Variants in WRAP53 observed in about 807,000 individuals in gnomAD.
WRAP53 encodes the protein telomerase Cajal body protein 1.
Under a neutral mutation model 56.6 loss-of-function variants are expected in WRAP53, and 28 were observed. The observed-to-expected ratio is 0.50, with a 90% CI of 0.37 to 0.68. WRAP53 has a LOEUF of 0.68. Ranked by LOEUF, WRAP53 falls within the 30% of genes least tolerant of loss-of-function variation. The pLI is 0.00. For missense variants in WRAP53, 671 were observed against 715.5 expected, an observed-to-expected ratio of 0.94 and a Z score of 0.71; for synonymous variants, 283 against 283.4, an observed-to-expected ratio of 1.00 and a Z score of 0.01.
intron 4 of WRAP53, among the ~76,000 whole-genome samples, chr17:7,694,247 T>TC (rs2093471185): frequency 1.4e-5 from 2 of 144,492 alleles, no homozygotes; most frequent in Admixed American, 1.4e-4. Context: ...TCTTTCTTTT[T>TC]TTTTTTTTTT....
chr17:7,702,399 G>C lies in WRAP53; in HGVS notation c.1011G>C (p.Gln337His). The change falls in exon 8 of 11, where the codon CAG becomes CAC. Residue 337 changes from glutamine to histidine, a missense_variant. Gln to His is a conservative substitution (Grantham distance 24). Transcript: ENST00000396463. The surrounding 1 kb of genome is among the most constrained non-coding windows in gnomAD (Gnocchi z 5.0). ...IISCIAFSPA[Q>H]PLYACGSYGR... ...CCTGCATAGCCTTCAGCCCAGCCCA[G>C]CCCCTCTATGCCTGTGGCTCCTACG... is the stretch of plus-strand genomic sequence containing the variant. 6.2e-7 allele frequency: 1 copy of C among 1,614,162 alleles called. No individual in the cohort carries two copies. Among genetic ancestry groups the C allele is most frequent in the Non-Finnish European group, 8.5e-7 (1 of 1,180,028 alleles).
rs865931339 is a variant in WRAP53 at position 7,702,804 on chromosome 17, G to T, written c.1226G>T (p.Arg409Leu). 3.1e-6 allele frequency: 5 copies of T among 1,613,860 alleles called. No individual in the cohort carries two copies. In the African/African-American group the frequency reaches 5.3e-5, roughly 17 times the overall value. Residue 409 changes from arginine to leucine, a missense_variant, in exon 9 of 11, where the codon CGA (arginine) becomes CTA (leucine). This residue lies in a region of WRAP53 where 158 missense variants were observed against 215.7 expected (regional missense o/e 0.73). Transcript: ENST00000396463. The surrounding 1 kb of genome is among the most constrained non-coding windows in gnomAD (Gnocchi z 5.0). ...GGTTACCCACTGTGGTCCCTGGGTC[G>T]AGAGGTGACCACCAATCAGCGCATC... ...QSGYPLWSLG[R>L]EVTTNQRIYF...
chr17:7,701,538 T>C lies in WRAP53; in HGVS notation c.811T>C (p.Tyr271His). The C allele has an allele frequency of 6.2e-7, 1 of 1,614,220 alleles. No homozygotes were observed. The highest frequency in any genetic ancestry group is 8.5e-7 in the Non-Finnish European group (1 of 1,180,036). The change falls in exon 6 of 11, where the codon TAC becomes CAC. Residue 271 changes from tyrosine (Y) to histidine (H), a missense_variant. Transcript: ENST00000396463. This position sits in a 1 kb window ranked among gnomAD's most constrained non-coding sequence, Gnocchi z 4.2. ...TGELRASFRAYNHLDELTAAH... is the reference protein window; with the variant it reads ...TGELRASFRAHNHLDELTAAH... ...AGAGCTCCGGGCTTCCTTTCGCGCCTACAACCACCTGGTAGGGACCGCCAT... is the reference window on the plus strand; with the variant it reads ...AGAGCTCCGGGCTTCCTTTCGCGCCCACAACCACCTGGTAGGGACCGCCAT...
Position 7,702,344 on chromosome 17 carries a change from C to CA in WRAP53, c.962dup (p.Gln322AlafsTer35). 1.2e-6 allele frequency: 2 copies of CA among 1,614,050 alleles called. No homozygotes were observed. Among genetic ancestry groups the CA allele is most frequent in the South Asian group, 2.2e-5 (2 of 91,082 alleles). On this transcript the variant is annotated frameshift_variant and splice_region_variant, in exon 8 of 11. Transcript: ENST00000396463. LOFTEE classifies it high-confidence loss of function. This position sits in a 1 kb window ranked among gnomAD's most constrained non-coding sequence, Gnocchi z 5.0. ...CCCACTTTGTTCCTTCCCTCTCTAGCAAAAAAGCAGGGCCAGAGCGGCATC... is the reference window on the plus strand; with the variant it reads ...CCCACTTTGTTCCTTCCCTCTCTAGCAAAAAAAGCAGGGCCAGAGCGGCATC...
At chr17:7,686,115 G>C (rs986590431), upstream of WRAP53, 1 of 152,230 alleles carries the variant, frequency 6.6e-6, no homozygotes, top group African/African-American at 2.4e-5. Context: ...GGCTCGGGCC[G>C]GAGGGCTGCA....
chr17:7,698,440 G>A (rs1252611948), intron 4 of WRAP53, among the ~76,000 whole-genome samples: 3 of 152,134 alleles, frequency 2.0e-5, no homozygotes, highest in Non-Finnish European at 4.4e-5. Context: ...TACCATTACT[G>A]TTAAGTCTAG....
chr17:7,687,728 A>G (rs2074033256), upstream of WRAP53: 1 of 397,742 alleles, frequency 2.5e-6, no homozygotes, highest in South Asian at 1.4e-4. Context: ...TCTGCAAGCC[A>G]GAGCTGTGAG....
At chr17:7,694,818 ACT>A (rs2074160423) in intron 4 of WRAP53, among the ~76,000 whole-genome samples, 1 of 146,996 alleles carries the variant, frequency 6.8e-6, no homozygotes, top group Non-Finnish European at 1.5e-5. Context: ...ACAGAGTGAG[ACT>A]CTGTCTCAAA....
At chr17:7,699,440 TTA>T (rs1219472741) in intron 4 of WRAP53, among the ~76,000 whole-genome samples, 50 of 72,582 alleles carry the variant, frequency 6.9e-4, no homozygotes, top group African/African-American at 1.5e-3. Context: ...AAAAAAAAAT[TTA>T]TATATATATA....
chr17:7,689,094 C>G lies in WRAP53; in HGVS notation c.431+15C>G, dbSNP rs17880740. 2 of 1,614,076 alleles carry G rather than the reference C, an allele frequency of 1.2e-6. No individual in the cohort carries two copies. The highest frequency in any genetic ancestry group is 1.3e-5 in the African/African-American group (1 of 75,020). On this transcript the variant is annotated intron_variant, in intron 2 of 10. Transcript: ENST00000396463. ...GAGGGAGACACGTAAGTGGTGATGG[C>G]AGTGGAGTGTGGAGTCTGGGGAGAT...
At chr17:7,696,775 C>T (rs1410355883) in intron 4 of WRAP53, among the ~76,000 whole-genome samples, 1 of 152,056 alleles carries the variant, frequency 6.6e-6, no homozygotes, top group Non-Finnish European at 1.5e-5. Flanking sequence ...GCTCAGATTT[C>T]AGGATTGAGC....
rs117192546 is a variant in WRAP53 at position 7,701,647 on chromosome 17, C to T, written c.823-10C>T. ...TGCAAGACCTGTTTTCAGCCCTTTC[C>T]TTCCCCCAGGATGAGCTGACGGCAG... is the stretch of plus-strand genomic sequence containing the variant. On this transcript the variant is annotated splice_polypyrimidine_tract_variant and intron_variant, in intron 6 of 10. Coordinates refer to ENST00000396463, the MANE Select transcript of WRAP53 (RefSeq NM_001143992.2). The surrounding 1 kb of genome is among the most constrained non-coding windows in gnomAD (Gnocchi z 4.2). 4.7e-3 allele frequency: 7,570 copies of T among 1,614,260 alleles called. 26 individuals are homozygous for T. Among genetic ancestry groups the T allele is most frequent in the Non-Finnish European group, 5.6e-3 (6,559 of 1,180,052 alleles).
chr17:7,700,464 A>T (rs888090381), intron 4 of WRAP53, among the ~76,000 whole-genome samples: 3 of 151,176 alleles, frequency 2.0e-5, no homozygotes, highest in Non-Finnish European at 4.4e-5. Flanking sequence ...GGCCAACATC[A>T]TGGTGAAACC....
intron 4 of WRAP53, among the ~76,000 whole-genome samples, chr17:7,699,217 C>T (rs1415450605): frequency 1.3e-5 from 2 of 150,638 alleles, no homozygotes; most frequent in South Asian, 2.1e-4. Flanking sequence ...GCCAAGAGTT[C>T]GAGACCAGCC....
At chr17:7,688,584 C>T in intron 1 of WRAP53, 23 bp downstream of exon 1, 1 of 1,580,432 alleles carries the variant, frequency 6.3e-7, no homozygotes, top group Non-Finnish European at 8.6e-7. Context: ...AGCTCTGCGT[C>T]GGATCCCTGA....
chr17:7,702,318 C>T lies in WRAP53; in HGVS notation c.956-26C>T. On this transcript the variant is annotated intron_variant, in intron 7 of 10. Transcript: ENST00000396463. This position sits in a 1 kb window ranked among gnomAD's most constrained non-coding sequence, Gnocchi z 5.0. ...TAGTGCCAGGAGCCATTGCCCCCTC[C>T]CCCACTTTGTTCCTTCCCTCTCTAG... 1.9e-6 allele frequency: 3 copies of T among 1,613,748 alleles called. No homozygotes were observed. Among genetic ancestry groups the T allele is most frequent in the Non-Finnish European group, 2.5e-6 (3 of 1,179,674 alleles).
chr17:7,703,397 G>A lies in WRAP53; in HGVS notation c.1558G>A (p.Gly520Arg), dbSNP rs146634933. The change falls in exon 11 of 11, where the codon GGG (glycine) becomes AGG (arginine). Residue 520 changes from glycine (G) to arginine (R), a missense_variant. By Grantham distance (125) the Gly-to-Arg change is moderately radical. Coordinates refer to ENST00000396463, the MANE Select transcript of WRAP53 (RefSeq NM_001143992.2). ...LECRLQLWWC[G>R]GAPDSSIPDD... ...ATGTCGGCTTCAGCTCTGGTGGTGT[G>A]GGGGGGCGCCAGACTCCAGCATCCC... 1 of 1,611,950 alleles carries A rather than the reference G, an allele frequency of 6.2e-7. No individual in the cohort carries two copies. The highest frequency in any genetic ancestry group is 8.5e-7 in the Non-Finnish European group (1 of 1,179,014).
At chr17:7,700,712 G>T in intron 4 of WRAP53, 29 bp from the exon 5 acceptor site, 1 of 1,557,752 alleles carries the variant, frequency 6.4e-7, no homozygotes, top group South Asian at 1.1e-5. Context: ...CCCTCCGAGT[G>T]ACTCAGCCAT....
upstream of WRAP53, chr17:7,687,242 C>T (rs1384956169): frequency 2.5e-6 from 1 of 397,928 alleles, no homozygotes; most frequent in African/African-American, 2.1e-5. Flanking sequence ...GCCAAGCTTC[C>T]ATCCCACTCA....
Sources: gnomAD v4.1 joint callset for allele counts (sites outside exome capture counted in the v4.1 genomes callset) on GRCh38, gnomAD v4.1.1 for gene constraint, gnomAD v4.1.1 regional missense constraint, Gnocchi (gnomAD v3.1) non-coding constraint, MANE v1.5 for transcripts, NCBI Gene and HGNC (gene_info 2026-07-23, HGNC 2026-07-21) for gene names.